CSMD3: variants seen among roughly 807,000 people sequenced by gnomAD.
The protein encoded by CSMD3 is CUB and Sushi multiple domains 3.
In CSMD3, 177 loss-of-function variants were observed where a neutral mutation model predicts 435.2. The observed-to-expected ratio is 0.41, with a 90% CI of 0.36 to 0.46. CSMD3 has a LOEUF of 0.46. Among genes scored for constraint, CSMD3 ranks in the 20% least tolerant of loss-of-function variants. The pLI is 0.34. For synonymous variants in CSMD3, 1,656 were observed against 1,520.5 expected, an observed-to-expected ratio of 1.09 and a Z score of -2.07; for missense variants, 4,265 against 4,504.6, an observed-to-expected ratio of 0.95 and a Z score of 1.52.
At chr8:113,294,341 C>A (rs1365810725) in intron 2 of CSMD3, among the ~76,000 whole-genome samples, 1 of 151,998 alleles carries the variant, frequency 6.6e-6, no homozygotes, top group Non-Finnish European at 1.5e-5. Context: ...AAACATTCAA[C>A]ATACATTATC....
intron 45 of CSMD3, among the ~76,000 whole-genome samples, chr8:112,321,694 T>C (rs1823009304): frequency 6.6e-6 from 1 of 152,176 alleles, no homozygotes; most frequent in Non-Finnish European, 1.5e-5. Flanking sequence ...AATTTTCTTC[T>C]GCAAATTGTT....
chr8:112,884,031 T>C (rs924230327), intron 10 of CSMD3, among the ~76,000 whole-genome samples: 3 of 151,904 alleles, frequency 2.0e-5, no homozygotes, highest in African/African-American at 7.2e-5. Flanking sequence ...AGTATCTTTG[T>C]AGTTAAAATT....
At chr8:112,837,412 G>T (rs1225437006) in intron 11 of CSMD3, among the ~76,000 whole-genome samples, 1 of 151,604 alleles carries the variant, frequency 6.6e-6, no homozygotes. Context: ...GGATAATATA[G>T]ATAAGTCCAC....
intron 3 of CSMD3, among the ~76,000 whole-genome samples, chr8:113,268,313 G>C (rs1293339283): frequency 6.6e-6 from 1 of 151,590 alleles, no homozygotes; most frequent in Non-Finnish European, 1.5e-5. Context: ...ATTAAACTTA[G>C]TATAAGTTAA....
At chr8:112,801,308 T>A (rs928072348) in intron 12 of CSMD3, among the ~76,000 whole-genome samples, 9 of 152,018 alleles carry the variant, frequency 5.9e-5, no homozygotes, top group African/African-American at 2.2e-4. Flanking sequence ...GTTGACCATA[T>A]CCTGGAAGTG....
At chr8:113,007,958 A>G (rs2131107253) in intron 6 of CSMD3, among the ~76,000 whole-genome samples, 1 of 152,026 alleles carries the variant, frequency 6.6e-6, no homozygotes, top group South Asian at 2.1e-4. Context: ...GTAAAATTAT[A>G]TATAAAGAAA....
At chr8:113,354,687 T>G (rs2094210404) in intron 1 of CSMD3, among the ~76,000 whole-genome samples, 1 of 152,214 alleles carries the variant, frequency 6.6e-6, no homozygotes, top group South Asian at 2.1e-4. Context: ...TTGCCCAGGC[T>G]GGAGTGTAAT....
intron 59 of CSMD3, among the ~76,000 whole-genome samples, chr8:112,274,908 T>C (rs1563724030): frequency 1.3e-5 from 2 of 152,218 alleles, no homozygotes; most frequent in Non-Finnish European, 2.9e-5. Context: ...GTTGACTAAT[T>C]AAAGTTGTTT....
chr8:112,719,431 A>T (rs1233505865), intron 13 of CSMD3, among the ~76,000 whole-genome samples: 1 of 152,180 alleles, frequency 6.6e-6, no homozygotes, highest in African/African-American at 2.4e-5. Flanking sequence ...TTTATTTCTC[A>T]CAATTCTGGA....
intron 6 of CSMD3, among the ~76,000 whole-genome samples, chr8:112,979,649 A>G (rs990111123): frequency 4.0e-5 from 6 of 151,712 alleles, no homozygotes; most frequent in Non-Finnish European, 8.9e-5. Context: ...AAAATTAAGT[A>G]TGCTACACAA....
At chr8:112,310,783 A>G in intron 50 of CSMD3, 195 bp downstream of exon 50, 1 of 676,766 alleles carries the variant, frequency 1.5e-6, no homozygotes. Context: ...ACAATAATGA[A>G]TAATTATAAA....
intron 59 of CSMD3, among the ~76,000 whole-genome samples, chr8:112,276,709 C>G (rs1225198238): frequency 6.6e-6 from 1 of 152,160 alleles, no homozygotes; most frequent in Admixed American, 6.5e-5. Context: ...GAAGACCCCA[C>G]TCCTGCAGCA....
intron 6 of CSMD3, among the ~76,000 whole-genome samples, chr8:112,999,407 C>G (rs573927027): frequency 7.5e-4 from 114 of 151,754 alleles, no homozygotes; most frequent in South Asian, 4.8e-3. Context: ...ATTTTGAGGA[C>G]CAGCAAGGAT....
chr8:113,005,740 A>G (rs1441817552), intron 6 of CSMD3, among the ~76,000 whole-genome samples: 1 of 152,044 alleles, frequency 6.6e-6, no homozygotes, highest in Non-Finnish European at 1.5e-5. Context: ...TATCAGCTTA[A>G]TGTCAGTGCC....
At chr8:112,592,093 T>C (rs746006865) in intron 22 of CSMD3, among the ~76,000 whole-genome samples, 57 of 152,028 alleles carry the variant, frequency 3.7e-4, no homozygotes, top group Non-Finnish European at 1.5e-4. Context: ...GTGTTTTTTT[T>C]AGCACTTCTC....
intron 6 of CSMD3, among the ~76,000 whole-genome samples, chr8:112,995,523 T>A (rs2085617219): frequency 6.6e-6 from 1 of 151,484 alleles, no homozygotes; most frequent in South Asian, 2.1e-4. Flanking sequence ...TAATTCTAAG[T>A]CTTACTTGGA....
At chr8:112,817,571 T>A (rs1228706437) in intron 12 of CSMD3, among the ~76,000 whole-genome samples, 1 of 152,070 alleles carries the variant, frequency 6.6e-6, no homozygotes, top group African/African-American at 2.4e-5. Flanking sequence ...ACTAGACGAC[T>A]CTGAAGTTGC....
chr8:113,420,306 T>C (rs887738755), intron 1 of CSMD3, among the ~76,000 whole-genome samples: 2 of 152,066 alleles, frequency 1.3e-5, no homozygotes, highest in African/African-American at 2.4e-5. Flanking sequence ...ACTTACTAAA[T>C]GAAGGAGGAG....
intron 1 of CSMD3, among the ~76,000 whole-genome samples, chr8:113,419,397 C>A (rs867420719): frequency 2.0e-5 from 3 of 152,024 alleles, no homozygotes; most frequent in South Asian, 2.1e-4. Context: ...GGATTACAGG[C>A]GTGAACCACT....
Sources: allele counts gnomAD v4.1 joint callset (sites outside exome capture counted in the v4.1 genomes callset), GRCh38; gene constraint gnomAD v4.1.1; transcripts MANE v1.5; gene names NCBI Gene and HGNC (gene_info 2026-07-23, HGNC 2026-07-21).